DIP2C: variants seen among roughly 807,000 people sequenced by gnomAD.
The protein encoded by DIP2C is disco-interacting protein 2 homolog C.
In DIP2C, 33 loss-of-function variants were observed where a neutral mutation model predicts 192.4. The observed-to-expected ratio is 0.17, with a 90% confidence interval of 0.13 to 0.23. The LOEUF is 0.23. Among genes scored for constraint, DIP2C ranks in the 10% least tolerant of loss-of-function variants. The pLI is 1.00. For missense variants in DIP2C, 1,537 were observed against 2,110.1 expected, an observed-to-expected ratio of 0.73 and a Z score of 5.32; for synonymous variants, 979 against 864.1, an observed-to-expected ratio of 1.13 and a Z score of -2.33.
In DIP2C at chr10:417,020, A is replaced by C. The variant is rs187121266; in HGVS notation, c.740-1132T>G. On this transcript the variant is annotated intron_variant, in intron 6 of 36. Coordinates refer to ENST00000280886, the MANE Select transcript of DIP2C (RefSeq NM_014974.3). Reference sequence around the variant, plus strand: ...AGGTAGTCTCAAAATGCTCTATAGCACTTTAAGAATTGAGACATTAAATAT... The same window carrying C: ...AGGTAGTCTCAAAATGCTCTATAGCCCTTTAAGAATTGAGACATTAAATAT... Among the ~76,000 whole-genome samples the C allele has an allele frequency of 2.0e-5, 3 of 152,370 alleles. No individual in the cohort carries two copies. The East Asian group carries it at 5.8e-4, about 29-fold the overall frequency.
chr10:453,326 G>A (rs565858300), intron 3 of DIP2C, among the ~76,000 whole-genome samples: 2 of 151,592 alleles, frequency 1.3e-5, no homozygotes, highest in African/African-American at 2.4e-5. Flanking sequence ...GAAATCTCTC[G>A]GGTGAAGGTA....
chr10:600,965 G>A (rs763591702), intron 1 of DIP2C, among the ~76,000 whole-genome samples: 2 of 152,122 alleles, frequency 1.3e-5, no homozygotes, highest in Non-Finnish European at 2.9e-5. Context: ...GTGGTGTCAC[G>A]TGCACACATG....
chr10:470,911 G>T (rs911464142), intron 3 of DIP2C, among the ~76,000 whole-genome samples: 8 of 152,110 alleles, frequency 5.3e-5, no homozygotes, highest in African/African-American at 1.9e-4. Context: ...TGCATGTCTG[G>T]GTGTGTTGTG....
At chr10:440,754 C>A (rs1049123346) in intron 4 of DIP2C, 117 bp downstream of exon 4, 4 of 1,438,060 alleles carry the variant, frequency 2.8e-6, no homozygotes, top group Non-Finnish European at 2.8e-6. Flanking sequence ...TTCTGGTTCA[C>A]AAAATCTGCA....
intron 1 of DIP2C, among the ~76,000 whole-genome samples, chr10:592,053 ATT>A (rs1851435121): frequency 6.6e-6 from 1 of 152,248 alleles, no homozygotes; most frequent in African/African-American, 2.4e-5. Context: ...AGGGAGACAC[ATT>A]CATAGCCATG....
At chr10:629,680 G>C (rs1854402207) in intron 1 of DIP2C, among the ~76,000 whole-genome samples, 1 of 152,116 alleles carries the variant, frequency 6.6e-6, no homozygotes, top group Non-Finnish European at 1.5e-5. Context: ...AACCCGCGCT[G>C]GGGGAAGGAA....
At chr10:386,272 C>T (rs546607786) in intron 14 of DIP2C, among the ~76,000 whole-genome samples, 10 of 152,280 alleles carry the variant, frequency 6.6e-5, no homozygotes, top group Non-Finnish European at 1.0e-4. Flanking sequence ...ATTCTCACAC[C>T]GGCCACGTCA....
At chr10:480,554 G>A (rs551809505) in intron 2 of DIP2C, among the ~76,000 whole-genome samples, 3 of 152,328 alleles carry the variant, frequency 2.0e-5, no homozygotes, top group South Asian at 2.1e-4. Context: ...GGGCCTTCAC[G>A]TTTCTGCACT....
chr10:446,441 G>A (rs1258645966), intron 3 of DIP2C, among the ~76,000 whole-genome samples: 1 of 151,862 alleles, frequency 6.6e-6, no homozygotes, highest in East Asian at 1.9e-4. Context: ...TGTGAAGAGT[G>A]TATCTTGCAT....
intron 1 of DIP2C, among the ~76,000 whole-genome samples, chr10:634,411 G>C (rs748579423): frequency 4.6e-5 from 7 of 152,254 alleles, no homozygotes; most frequent in Non-Finnish European, 7.3e-5. Flanking sequence ...GTTGGAAGTA[G>C]CGCTGGAGAA....
intron 32 of DIP2C, among the ~76,000 whole-genome samples, chr10:290,153 G>A (rs958541500): frequency 6.6e-6 from 1 of 152,172 alleles, no homozygotes; most frequent in Non-Finnish European, 1.5e-5. Flanking sequence ...AAGACTTACT[G>A]GAGCCATTTC....
rs1966659058 is a variant in DIP2C at position 427,354 on chromosome 10, G to A, written c.395-4321C>T. 1.3e-5 allele frequency among the ~76,000 whole-genome samples: 2 copies of A among 152,178 alleles called. 1 individual carries two copies. The highest frequency in any genetic ancestry group is 1.3e-4 in the Admixed American group (2 of 15,278). ...AACCAGGATAGTGGTCCCATATCAAGATCTCTATATTAATCATAGCTGCAA... is the reference window on the plus strand; with the variant it reads ...AACCAGGATAGTGGTCCCATATCAAAATCTCTATATTAATCATAGCTGCAA... On this transcript the variant is annotated intron_variant, in intron 4 of 36. Transcript: ENST00000280886.
At chr10:407,023 G>A (rs563515216) in intron 9 of DIP2C, among the ~76,000 whole-genome samples, 11 of 152,040 alleles carry the variant, frequency 7.2e-5, no homozygotes, top group South Asian at 4.2e-4. Context: ...GCCCTCACCC[G>A]CCAAGTTATC....
Position 422,942 on chromosome 10 carries a change from G to A in DIP2C, c.486C>T (p.His162=), listed in dbSNP as rs1589760763. The A allele has an allele frequency of 3.7e-6, 6 of 1,614,174 alleles. No homozygotes were observed. Among genetic ancestry groups the A allele is most frequent in the Non-Finnish European group, 4.2e-6 (5 of 1,180,042 alleles). ...TSSQGSINME[H]WISQAIHGST... ...AGCCGTGGATGGCCTGGCTGATCCA[G>A]TGCTCCATATTGATGCTGCCCTGGC... Residue 162 remains histidine (H), a synonymous_variant, in exon 5 of 37, where the codon CAC becomes CAT. Transcript: ENST00000280886.
chr10:329,706 G>C (rs1957418638), intron 29 of DIP2C, 105 bp from the exon 30 acceptor site: 6 of 1,391,380 alleles, frequency 4.3e-6, no homozygotes, highest in South Asian at 1.5e-5. Context: ...AGGAGGACTT[G>C]GAACAGCCCG....
chr10:689,366 C>A lies in DIP2C; in HGVS notation c.85+128G>T, dbSNP rs1053018896. ...GGGGGTCCGGGGGACGCGCACGCTCCGGGCTGGGGTCGCACCTCCCCCTCC... is the reference window on the plus strand; with the variant it reads ...GGGGGTCCGGGGGACGCGCACGCTCAGGGCTGGGGTCGCACCTCCCCCTCC... On this transcript the variant is annotated intron_variant, in intron 1 of 36. Transcript: ENST00000280886. This position sits in a 1 kb window ranked among gnomAD's most constrained non-coding sequence, Gnocchi z 6.1. 7.2e-6 allele frequency: 3 copies of A among 419,090 alleles called. No individual in the cohort carries two copies. The East Asian group carries it at 4.6e-4, about 64-fold the overall frequency. The allele number at this position is 419,090 out of a possible 1,614,324, so 26.0% of individuals were successfully genotyped here. A position where few individuals can be genotyped will look rare whatever the true frequency, so the allele number is the denominator to read the frequency against.
At chr10:423,504 G>A (rs1966351232) in intron 4 of DIP2C, among the ~76,000 whole-genome samples, 1 of 152,190 alleles carries the variant, frequency 6.6e-6, no homozygotes, top group African/African-American at 2.4e-5. Context: ...AGATACCCAT[G>A]CAGCTGATTT....
At chr10:396,129 A>G (rs760979820) in intron 10 of DIP2C, among the ~76,000 whole-genome samples, 1 of 152,216 alleles carries the variant, frequency 6.6e-6, no homozygotes, top group Non-Finnish European at 1.5e-5. Flanking sequence ...GTGGCCTTGG[A>G]AAGATTTCTG....
chr10:445,350 G>A lies in DIP2C; in HGVS notation c.269-4354C>T, dbSNP rs560678122. Reference sequence around the variant, plus strand: ...AGAGTCTGTCTTGCACTGGACATCTGTATACATCTGTTGTGAAGAGTCTCA... The same window carrying A: ...AGAGTCTGTCTTGCACTGGACATCTATATACATCTGTTGTGAAGAGTCTCA... On this transcript the variant is annotated intron_variant, in intron 3 of 36. Transcript: ENST00000280886. 2.0e-5 allele frequency among the ~76,000 whole-genome samples: 3 copies of A among 151,726 alleles called. No individual in the cohort carries two copies. In the South Asian group the frequency reaches 6.3e-4, roughly 32 times the overall value.
Sources: allele counts gnomAD v4.1 joint callset (sites outside exome capture counted in the v4.1 genomes callset), GRCh38; gene constraint gnomAD v4.1.1; non-coding constraint Gnocchi (gnomAD v3.1); transcripts MANE v1.5; gene names NCBI Gene and HGNC (gene_info 2026-07-23, HGNC 2026-07-21).